Variants in COL9A1 observed in about 807,000 individuals in gnomAD.
COL9A1 encodes collagen alpha-1(IX) chain.
COL9A1 carries 104 observed loss-of-function variants against 142.6 expected under a neutral mutation model. The ratio of observed to expected loss-of-function variants is 0.73; its 90% confidence interval spans 0.62 to 0.86. The LOEUF (loss-of-function observed/expected upper bound fraction) is 0.86, where lower values mean the gene tolerates loss of function less well. Ranked by LOEUF, COL9A1 falls within the 40% of genes least tolerant of loss-of-function variation. The pLI is 0.00. For missense variants in COL9A1, 1,210 were observed against 1,176.6 expected, an observed-to-expected ratio of 1.03 and a Z score of -0.42; for synonymous variants, 466 against 396.0, an observed-to-expected ratio of 1.18 and a Z score of -2.10.
At chr6:70,217,861 C>T (rs1262183533) in intron 37 of COL9A1, among the ~76,000 whole-genome samples, 1 of 152,204 alleles carries the variant, frequency 6.6e-6, no homozygotes, top group Non-Finnish European at 1.5e-5. Flanking sequence ...TAAATTCAGG[C>T]CAGGTGCAGT....
At chr6:70,266,317 C>T (rs899296841) in intron 18 of COL9A1, among the ~76,000 whole-genome samples, 1 of 152,150 alleles carries the variant, frequency 6.6e-6, no homozygotes, top group African/African-American at 2.4e-5. Flanking sequence ...TTACCAACTT[C>T]TCTGTTTGCT....
chr6:70,301,934 C>G, intron 2 of COL9A1, 67 bp downstream of exon 2: 1 of 1,307,462 alleles, frequency 7.6e-7, no homozygotes, highest in Non-Finnish European at 1.1e-6. Context: ...CTTCAGTCAG[C>G]CACAGCCCTG....
intron 37 of COL9A1, among the ~76,000 whole-genome samples, chr6:70,217,619 C>T (rs1237272576): frequency 6.6e-6 from 1 of 152,188 alleles, no homozygotes; most frequent in Admixed American, 6.5e-5. Context: ...ATGCAACTCA[C>T]ATTTGTGGCT....
rs748973594 is a variant in COL9A1, at chr6:70,281,418, G to A, written c.848C>T (p.Pro283Leu). Residue 283 changes from proline to leucine, a missense_variant, in exon 8 of 38, where the codon CCT (proline) becomes CTT (leucine). Transcript: ENST00000357250. ...GATGCCATCGATGCCTGGAACTCCA[G>A]GGGGGCCCGGAGGCCCGGGAGGACC... ...EQGPPGPPGP[P>L]GVPGIDGIDG... 1.9e-6 allele frequency: 3 copies of A among 1,613,310 alleles called. No individual in the cohort carries two copies. Among genetic ancestry groups the A allele is most frequent in the Admixed American group, 3.3e-5 (2 of 59,958 alleles).
At chr6:70,302,675 C>G (rs568136061) in intron 1 of COL9A1, among the ~76,000 whole-genome samples, 26 of 152,146 alleles carry the variant, frequency 1.7e-4, no homozygotes, top group South Asian at 6.2e-4. Flanking sequence ...TCCTTCCTCT[C>G]TTTTTCTGTG....
At position 70,252,171 on chromosome 6, in the gene COL9A1, G is replaced by C; in HGVS notation, c.1821C>G (p.Gly607=). The stretch of plus-strand genomic sequence containing the variant: ...CCACCTCTCCTGGAGGCCCCTGTTG[G>C]CCCTGTTATCAGGAAGGAAGGTAGA... ...PGQMGNSGKP[G]QQGPPGEVGP... Residue 607 remains glycine (G), a splice_region_variant and synonymous_variant, in exon 28 of 38, where the codon GGC becomes GGG. Coordinates refer to ENST00000357250, the MANE Select transcript of COL9A1 (RefSeq NM_001851.6). The C allele has an allele frequency of 6.2e-7, 1 of 1,614,132 alleles. No individual in the cohort carries two copies. The highest frequency in any genetic ancestry group is 8.5e-7 in the Non-Finnish European group (1 of 1,179,998).
At chr6:70,263,116 G>A (rs1315689401) in intron 19 of COL9A1, 128 bp downstream of exon 19, 3 of 685,888 alleles carry the variant, frequency 4.4e-6, no homozygotes, top group Non-Finnish European at 7.4e-6. Context: ...CTGGCGTGGT[G>A]GAAAATAGAG....
intron 18 of COL9A1, among the ~76,000 whole-genome samples, chr6:70,265,516 T>G (rs78205295): frequency 4.7e-5 from 7 of 149,378 alleles, no homozygotes; most frequent in African/African-American, 1.5e-4. Flanking sequence ...TTTTTTTTTT[T>G]GGCTTCTGTG....
rs1295436805 is a variant in COL9A1, at chr6:70,234,524, T to C, written c.2314+15A>G. On this transcript the variant is annotated intron_variant, in intron 35 of 37. Coordinates refer to ENST00000357250, the MANE Select transcript of COL9A1 (RefSeq NM_001851.6). Reference sequence around the variant, plus strand: ...GTTGATGGTGGAAAAAGTCAAACCATTGTGATTTATTTACCTTGTATGACT... The same window carrying C: ...GTTGATGGTGGAAAAAGTCAAACCACTGTGATTTATTTACCTTGTATGACT... 7 of 1,613,194 alleles carry C rather than the reference T, an allele frequency of 4.3e-6. No homozygotes were observed. The highest frequency in any genetic ancestry group is 5.9e-6 in the Non-Finnish European group (7 of 1,179,146).
chr6:70,274,113 C>T (rs1772587717), intron 11 of COL9A1, 31 bp from the exon 12 acceptor site: 2 of 1,545,608 alleles, frequency 1.3e-6, no homozygotes, highest in Non-Finnish European at 1.8e-6. Context: ...ATTGTACTGA[C>T]CTTTCATATC....
At chr6:70,259,906 C>A (rs1392735969) in intron 20 of COL9A1, among the ~76,000 whole-genome samples, 1 of 152,008 alleles carries the variant, frequency 6.6e-6, no homozygotes, top group Non-Finnish European at 1.5e-5. Flanking sequence ...AGTGTATAAC[C>A]CATGCTAAGG....
chr6:70,280,633 C>A (rs563574210), intron 10 of COL9A1, among the ~76,000 whole-genome samples, 179 bp downstream of exon 10: 1 of 152,226 alleles, frequency 6.6e-6, no homozygotes, highest in Non-Finnish European at 1.5e-5. Context: ...CTTCACAAGT[C>A]CTTTTGCAAA....
In COL9A1 at chr6:70,216,729, GTTC is replaced by G. The variant is rs1483730056; in HGVS notation, c.*165_*167del. The G allele has an allele frequency of 4.2e-6, 3 of 721,064 alleles. No homozygotes were observed. The African/African-American group carries it at 5.3e-5, about 13-fold the overall frequency. 44.7% of individuals were successfully genotyped at this position (721,064 alleles called of 1,614,324 possible). On this transcript the variant is annotated 3_prime_UTR_variant, in exon 38 of 38. Transcript: ENST00000357250. The stretch of plus-strand genomic sequence containing the variant: ...GAAAGAGAACTTACTGAATAGCACC[GTTC>G]TTCTATATGTGATTGTCAAGTAGGA...
chr6:70,299,150 A>G (rs1043524428), intron 4 of COL9A1, among the ~76,000 whole-genome samples: 11 of 152,248 alleles, frequency 7.2e-5, no homozygotes, highest in Middle Eastern at 3.4e-3. Flanking sequence ...GTAGGTTCAA[A>G]ATATGAATTT....
At chr6:70,266,298 A>G (rs1330194488) in intron 18 of COL9A1, among the ~76,000 whole-genome samples, 1 of 147,718 alleles carries the variant, frequency 6.8e-6, no homozygotes, top group Admixed American at 6.7e-5. Context: ...ATGAGAAGCT[A>G]TAAGCCAATT....
intron 12 of COL9A1, among the ~76,000 whole-genome samples, chr6:70,273,284 C>T (rs949911532): frequency 6.6e-6 from 1 of 152,018 alleles, no homozygotes; most frequent in South Asian, 2.1e-4. Flanking sequence ...TGTCAGAAAC[C>T]TAGATGTTCA....
At chr6:70,219,209 T>G (rs950940570) in intron 37 of COL9A1, among the ~76,000 whole-genome samples, 6 of 152,104 alleles carry the variant, frequency 3.9e-5, no homozygotes, top group African/African-American at 7.2e-5. Flanking sequence ...ACTAGGAATG[T>G]TCCCACTGAG....
intron 37 of COL9A1, among the ~76,000 whole-genome samples, chr6:70,219,547 T>C (rs1768739240): frequency 6.6e-6 from 1 of 152,132 alleles, no homozygotes; most frequent in Admixed American, 6.5e-5. Flanking sequence ...ATTAAGAAAT[T>C]CCCCCACTGT....
At position 70,270,461 on chromosome 6, in the gene COL9A1, A is replaced by C. The variant is rs1011400920; in HGVS notation, c.1144-94T>G. 3.4e-6 allele frequency: 4 copies of C among 1,181,844 alleles called. No homozygotes were observed. In the African/African-American group the frequency reaches 6.1e-5, roughly 18 times the overall value. 73.2% of individuals were successfully genotyped at this position (1,181,844 alleles called of 1,614,324 possible). On this transcript the variant is annotated intron_variant, in intron 14 of 37. Coordinates refer to ENST00000357250, the MANE Select transcript of COL9A1 (RefSeq NM_001851.6). The stretch of plus-strand genomic sequence containing the variant: ...GGCATAAGAGAATGGTATTACTGGA[A>C]ACCCCCACCGAGCTCAGCCATGCAT...
Sources: gnomAD v4.1 joint callset for allele counts (sites outside exome capture counted in the v4.1 genomes callset) on GRCh38, gnomAD v4.1.1 for gene constraint, MANE v1.5 for transcripts, NCBI Gene and HGNC (gene_info 2026-07-23, HGNC 2026-07-21) for gene names.